RBFOX1: variants seen among roughly 807,000 people sequenced by gnomAD.
The protein encoded by RBFOX1 is RNA binding protein fox-1 homolog 1.
In RBFOX1, 8 loss-of-function variants were observed where a neutral mutation model predicts 57.7. The ratio of observed to expected loss-of-function variants is 0.14; its 90% CI spans 0.08 to 0.25. The LOEUF (loss-of-function observed/expected upper bound fraction) is 0.25. Ranked by LOEUF, RBFOX1 falls within the 10% of genes least tolerant of loss-of-function variation. RBFOX1 has a pLI of 1.00. For missense variants in RBFOX1, 611 were observed against 548.5 expected, an observed-to-expected ratio of 1.11 and a Z score of -1.14; for synonymous variants, 326 against 222.4, an observed-to-expected ratio of 1.47 and a Z score of -4.15.
At chr16:5,681,667 A>C (rs1287732116) in intron 3 of RBFOX1, among the ~76,000 whole-genome samples, 1 of 152,120 alleles carries the variant, frequency 6.6e-6, no homozygotes. Flanking sequence ...TGCTGGGATT[A>C]CAAGCTTGAG....
intron 4 of RBFOX1, among the ~76,000 whole-genome samples, chr16:7,092,731 G>A (rs1047613524): frequency 2.0e-5 from 3 of 152,032 alleles, no homozygotes; most frequent in African/African-American, 7.3e-5. Context: ...ATGTTAAAAG[G>A]TATGAAGAGC....
chr16:6,625,460 G>A (rs956859109), intron 2 of RBFOX1, among the ~76,000 whole-genome samples: 4 of 152,142 alleles, frequency 2.6e-5, no homozygotes, highest in African/African-American at 9.7e-5. Context: ...GTTGTGAAAT[G>A]GGATACAAAG....
chr16:7,315,832 GTC>G (rs1317292308), intron 4 of RBFOX1, among the ~76,000 whole-genome samples: 1 of 151,990 alleles, frequency 6.6e-6, no homozygotes, highest in Non-Finnish European at 1.5e-5. Context: ...TTTTAATTAT[GTC>G]TACATGGCAC....
intron 4 of RBFOX1, chr16:7,328,849 C>G (rs1391000285): frequency 1.3e-5 from 2 of 152,138 alleles, no homozygotes; most frequent in African/African-American, 4.8e-5. Flanking sequence ...GGATAAAATA[C>G]ATACCCTAGA....
chr16:6,545,531 C>G (rs564543581), intron 2 of RBFOX1, among the ~76,000 whole-genome samples: 1 of 152,258 alleles, frequency 6.6e-6, no homozygotes, highest in African/African-American at 2.4e-5. Flanking sequence ...TTGGCAAGGT[C>G]CACTCTTATG....
chr16:6,155,736 C>T (rs564780349), intron 1 of RBFOX1, among the ~76,000 whole-genome samples: 4 of 152,274 alleles, frequency 2.6e-5, no homozygotes, highest in South Asian at 2.1e-4. Flanking sequence ...GATGGGAGGA[C>T]GGCAGGTGGC....
Position 6,543,090 on chromosome 16 carries a change from A to G in RBFOX1, c.-63-111513A>G, listed in dbSNP as rs531088272. Among the ~76,000 whole-genome samples the G allele has an allele frequency of 5.9e-5, 9 of 152,290 alleles. No homozygotes were observed. In the South Asian group the frequency reaches 1.9e-3, roughly 32 times the overall value. On this transcript the variant is annotated intron_variant, in intron 2 of 15. Coordinates refer to ENST00000550418, the MANE Select transcript of RBFOX1 (RefSeq NM_018723.4). The stretch of plus-strand genomic sequence containing the variant: ...TTGATCAATAGTTTTGTTCATTTCA[A>G]ATGGAAATAAGCTCCGTGTTTAGCA...
chr16:7,050,090 G>C (rs916818060), intron 3 of RBFOX1, among the ~76,000 whole-genome samples: 3 of 150,242 alleles, frequency 2.0e-5, no homozygotes, highest in African/African-American at 2.4e-5. Flanking sequence ...TCTTTTAACA[G>C]TTTATGGAGA....
At chr16:7,165,953 C>CAG (rs1389305086) in intron 4 of RBFOX1, among the ~76,000 whole-genome samples, 98 of 87,218 alleles carry the variant, frequency 1.1e-3, no homozygotes, top group African/African-American at 4.8e-3. Flanking sequence ...CACACACACA[C>CAG]ACACACACAC....
intron 3 of RBFOX1, among the ~76,000 whole-genome samples, chr16:6,884,193 C>T (rs528112982): frequency 6.6e-6 from 1 of 152,290 alleles, no homozygotes; most frequent in South Asian, 2.1e-4. Flanking sequence ...ACAGGGCATG[C>T]TTCCTGGCTC....
At chr16:6,698,344 T>C (rs1050641704) in intron 3 of RBFOX1, among the ~76,000 whole-genome samples, 2 of 152,206 alleles carry the variant, frequency 1.3e-5, no homozygotes, top group East Asian at 1.9e-4. Context: ...AAAGTCTGCA[T>C]TGATCTTCAA....
chr16:5,525,250 C>T (rs1189162555), intron 2 of RBFOX1, among the ~76,000 whole-genome samples: 1 of 152,032 alleles, frequency 6.6e-6, no homozygotes, highest in Admixed American at 6.6e-5. Flanking sequence ...GATCACTGTT[C>T]CTCAGCTGAG....
intron 1 of RBFOX1, among the ~76,000 whole-genome samples, chr16:6,129,396 C>A (rs922359481): frequency 2.6e-5 from 4 of 152,080 alleles, no homozygotes; most frequent in Non-Finnish European, 5.9e-5. Context: ...GGCACTTGAA[C>A]AGTTTAACAG....
intron 4 of RBFOX1, among the ~76,000 whole-genome samples, chr16:7,185,375 A>G (rs367896209): frequency 9.2e-5 from 14 of 152,198 alleles, no homozygotes; most frequent in African/African-American, 3.1e-4. Context: ...CTGACAGGCA[A>G]TTTCCTTAAT....
At chr16:7,149,452 T>G (rs1012811690) in intron 4 of RBFOX1, among the ~76,000 whole-genome samples, 2 of 151,438 alleles carry the variant, frequency 1.3e-5, no homozygotes, top group African/African-American at 4.8e-5. Context: ...GCAAGCTTCC[T>G]GTGGCTCTTT....
chr16:7,209,034 C>T (rs1418989957), intron 4 of RBFOX1, among the ~76,000 whole-genome samples: 1 of 152,018 alleles, frequency 6.6e-6, no homozygotes, highest in African/African-American at 2.4e-5. Context: ...GTGGCTTATG[C>T]CCATAATCCC....
chr16:5,343,922 G>T (rs1596588014), intron 1 of RBFOX1, among the ~76,000 whole-genome samples: 1 of 152,298 alleles, frequency 6.6e-6, no homozygotes, highest in East Asian at 1.9e-4. Context: ...ATAAATGTGT[G>T]CTTGTGTCTC....
At chr16:5,912,016 A>C (rs1383671740) in intron 4 of RBFOX1, among the ~76,000 whole-genome samples, 1 of 152,178 alleles carries the variant, frequency 6.6e-6, no homozygotes, top group South Asian at 2.1e-4. Context: ...GAGAACCTCT[A>C]AAATAATGAT....
At chr16:5,995,518 G>A (rs2060475424) in intron 4 of RBFOX1, among the ~76,000 whole-genome samples, 1 of 152,186 alleles carries the variant, frequency 6.6e-6, no homozygotes, top group Admixed American at 6.5e-5. Context: ...ATGCCAAGTG[G>A]AATAAGGATA....
Sources: gnomAD v4.1 joint callset for allele counts (sites outside exome capture counted in the v4.1 genomes callset) on GRCh38, gnomAD v4.1.1 for gene constraint, MANE v1.5 for transcripts, NCBI Gene and HGNC (gene_info 2026-07-23, HGNC 2026-07-21) for gene names.